KIAA0513: variants seen among roughly 807,000 people sequenced by gnomAD.
The protein encoded by KIAA0513 is uncharacterized protein KIAA0513.
KIAA0513 carries 39 observed loss-of-function variants against 56.5 expected under a neutral mutation model. That is an observed-to-expected ratio of 0.69 (90% CI 0.53 to 0.90). KIAA0513 has a LOEUF of 0.90. KIAA0513 is among the 40% of genes least tolerant of loss of function. The pLI is 0.00. For missense variants in KIAA0513, 591 were observed against 535.2 expected (o/e 1.10, Z -1.03); for synonymous variants, 268 against 215.6 (o/e 1.24, Z -2.13).
At chr16:85,041,963 C>G (rs184461316) in intron 1 of KIAA0513, among the ~76,000 whole-genome samples, 2 of 152,186 alleles carry the variant, frequency 1.3e-5, no homozygotes, top group South Asian at 2.1e-4. Context: ...ACTCCTGTCC[C>G]TCCTTGTCTG....
Position 85,077,573 on chromosome 16 carries a change from C to A in KIAA0513, c.723C>A (p.Val241=), listed in dbSNP as rs975621650. 6.2e-7 allele frequency: 1 copy of A among 1,614,098 alleles called. No individual in the cohort carries two copies. The highest frequency in any genetic ancestry group is 1.1e-5 in the South Asian group (1 of 91,068). Residue 241 remains valine, a synonymous_variant, in exon 6 of 13, where the codon GTC becomes GTA. Transcript: ENST00000683363. ...ACACCTCGGCCAGGACTGAGAATGT[C>A]AAGGGCTTCTTCGGGGGGCTGGAGA... is the stretch of plus-strand genomic sequence containing the variant. The part of the protein sequence containing the change: ...LKNTSARTEN[V]KGFFGGLETK...
chr16:85,062,918 G>T (rs1014908621), intron 1 of KIAA0513, among the ~76,000 whole-genome samples: 5 of 152,152 alleles, frequency 3.3e-5, no homozygotes, highest in African/African-American at 1.2e-4. Context: ...CTTCTTAGAG[G>T]AAGAGGGTGG....
intron 1 of KIAA0513, among the ~76,000 whole-genome samples, chr16:85,064,992 G>A (rs2073458164): frequency 6.6e-6 from 1 of 152,204 alleles, no homozygotes; most frequent in African/African-American, 2.4e-5. Flanking sequence ...GCCTATAATT[G>A]TATTTCCTCT....
At chr16:85,061,022 G>A (rs755056805) in intron 1 of KIAA0513, among the ~76,000 whole-genome samples, 13 of 151,758 alleles carry the variant, frequency 8.6e-5, no homozygotes, top group Admixed American at 2.0e-4. Context: ...GCATGGTGGC[G>A]GGAGCCTGTA....
chr16:85,062,885 C>A (rs151245914), intron 1 of KIAA0513, among the ~76,000 whole-genome samples: 1 of 152,162 alleles, frequency 6.6e-6, no homozygotes, highest in Non-Finnish European at 1.5e-5. Context: ...CTTGTCCTGC[C>A]TAGAGGCCCA....
At chr16:85,080,904 C>G (rs971129138) in intron 8 of KIAA0513, among the ~76,000 whole-genome samples, 1 of 152,232 alleles carries the variant, frequency 6.6e-6, no homozygotes, top group African/African-American at 2.4e-5. Flanking sequence ...ATTGATGTTA[C>G]TAGACCCTGA....
chr16:85,086,801 C>A, intron 11 of KIAA0513, 77 bp downstream of exon 11: 1 of 1,313,182 alleles, frequency 7.6e-7, no homozygotes. Context: ...TGGTATCACA[C>A]CCTGGGGTGT....
At chr16:85,050,335 A>AT (rs199818199) in intron 1 of KIAA0513, among the ~76,000 whole-genome samples, 4 of 109,570 alleles carry the variant, frequency 3.7e-5, no homozygotes, top group African/African-American at 4.8e-5. Flanking sequence ...ATATTTATTT[A>AT]TTTATTTATT....
chr16:85,042,931 A>C (rs886106626), intron 1 of KIAA0513, among the ~76,000 whole-genome samples: 1 of 152,216 alleles, frequency 6.6e-6, no homozygotes, highest in African/African-American at 2.4e-5. Context: ...TTTTATTCAA[A>C]TATAAGTTTT....
rs1430579909 is a variant in KIAA0513 at position 85,093,325 on chromosome 16, C to T, written c.*5000C>T. On this transcript the variant is annotated 3_prime_UTR_variant, in exon 13 of 13. Transcript: ENST00000683363. ...AATTCACCATATCCAAGGGGAGAGA[C>T]GATGGGCTGGGTTTGTTTACTCCAA... is the stretch of plus-strand genomic sequence containing the variant. The T allele has an allele frequency of 6.6e-6, 1 of 152,196 alleles. No homozygotes were observed. Among genetic ancestry groups the T allele is most frequent in the Non-Finnish European group, 1.5e-5 (1 of 68,026 alleles). The allele number at this position is 152,196 out of a possible 1,614,324, so 9.4% of individuals were successfully genotyped here. A position where few individuals can be genotyped will look rare whatever the true frequency, so the allele number is the denominator to read the frequency against.
chr16:85,037,415 G>GGGGTGGCTCA (rs1482426047), intron 1 of KIAA0513, among the ~76,000 whole-genome samples: 3 of 152,180 alleles, frequency 2.0e-5, no homozygotes, highest in Non-Finnish European at 4.4e-5. Context: ...CCTGAAAGGA[G>GGGGTGGCTCA]GGGTGGAAGC....
At chr16:85,070,463 A>G (rs1164785282) in intron 2 of KIAA0513, among the ~76,000 whole-genome samples, 2 of 152,182 alleles carry the variant, frequency 1.3e-5, no homozygotes, top group Non-Finnish European at 2.9e-5. Flanking sequence ...GTATCACCTA[A>G]GGCCAGGAGT....
chr16:85,066,987 C>G lies in KIAA0513; in HGVS notation c.-85C>G. 5.6e-6 allele frequency: 7 copies of G among 1,258,774 alleles called. No individual in the cohort carries two copies. The highest frequency in any genetic ancestry group is 7.6e-6 in the Non-Finnish European group (7 of 919,204). The allele number at this position is 1,258,774 out of a possible 1,614,324, so 78.0% of individuals were successfully genotyped here. ...AACTTGTGAGCTTGGTGGGCTCCTA[C>G]TAACGCACCTGGGACACCAGGCTGC... On this transcript the variant is annotated 5_prime_UTR_variant, in exon 2 of 13. Transcript: ENST00000683363.
rs1475732760 is a variant in KIAA0513, at chr16:85,093,646, C to G, written c.*5321C>G. The G allele has an allele frequency of 6.6e-6, 1 of 152,338 alleles. No individual in the cohort carries two copies. Among genetic ancestry groups the G allele is most frequent in the African/African-American group, 2.4e-5 (1 of 41,432 alleles). 9.4% of individuals were successfully genotyped at this position (152,338 alleles called of 1,614,324 possible). ...CGCATGCACTCTGGGAGGTGCAGCC[C>G]TAAGGGGTGGACTCCAGATCTCCCT... On this transcript the variant is annotated 3_prime_UTR_variant, in exon 13 of 13. Transcript: ENST00000683363.
intron 6 of KIAA0513, among the ~76,000 whole-genome samples, chr16:85,078,046 G>A (rs908430113): frequency 1.3e-5 from 2 of 152,108 alleles, no homozygotes; most frequent in African/African-American, 2.4e-5. Flanking sequence ...CTTTGGGGAC[G>A]GGCACATCAG....
chr16:85,045,364 G>T (rs185020321), intron 1 of KIAA0513, among the ~76,000 whole-genome samples: 19 of 150,162 alleles, frequency 1.3e-4, no homozygotes, highest in Admixed American at 1.1e-3. Context: ...CAATGACCTT[G>T]TTTGTTTGTT....
At chr16:85,035,418 G>A (rs2073021646) in intron 1 of KIAA0513, among the ~76,000 whole-genome samples, 1 of 152,356 alleles carries the variant, frequency 6.6e-6, no homozygotes, top group Middle Eastern at 3.4e-3. Flanking sequence ...GCTGTAAAAG[G>A]AAGGCTTTAA....
At position 85,088,648 on chromosome 16, in the gene KIAA0513, A is replaced by G. The variant is rs2073836659; in HGVS notation, c.*323A>G. On this transcript the variant is annotated 3_prime_UTR_variant, in exon 13 of 13. Coordinates refer to ENST00000683363, the MANE Select transcript of KIAA0513 (RefSeq NM_001388359.1). The stretch of plus-strand genomic sequence containing the variant: ...AGGACTCCATGGGCCATCGTGGGCC[A>G]AGGGCTGGCGAGGGTGGGGGCGGGC... The G allele has an allele frequency of 3.2e-6, 1 of 309,212 alleles. No homozygotes were observed. The highest frequency in any genetic ancestry group is 6.0e-6 in the Non-Finnish European group (1 of 165,334). 19.2% of individuals were successfully genotyped at this position (309,212 alleles called of 1,614,324 possible).
Position 85,067,263 on chromosome 16 carries a change from G to A in KIAA0513, c.192G>A (p.Pro64=), listed in dbSNP as rs201680079. Residue 64 remains proline (P), a synonymous_variant, in exon 2 of 13, where the codon CCG becomes CCA. Coordinates refer to ENST00000683363, the MANE Select transcript of KIAA0513 (RefSeq NM_001388359.1). ...ACATGGGCGAGTCGCCCTCGCACCC[G>A]TCCTGGGACCAAGACCGCCGTTCCT... is the stretch of plus-strand genomic sequence containing the variant. ...ENDMGESPSH[P]SWDQDRRSSS... is the part of the protein sequence containing the mutation. The A allele has an allele frequency of 3.0e-5, 48 of 1,614,054 alleles. No homozygotes were observed. Among genetic ancestry groups the A allele is most frequent in the Middle Eastern group, 3.3e-4 (2 of 6,062 alleles).
Sources: gnomAD v4.1 joint callset for allele counts (sites outside exome capture counted in the v4.1 genomes callset) on GRCh38, gnomAD v4.1.1 for gene constraint, MANE v1.5 for transcripts, NCBI Gene and HGNC (gene_info 2026-07-23, HGNC 2026-07-21) for gene names.